The following EIF3G variants were observed in gnomAD, a reference collection of about 807,000 sequenced individuals.
EIF3G encodes the protein eukaryotic translation initiation factor 3 subunit G.
Under a neutral mutation model 41.7 loss-of-function variants are expected in EIF3G, and 10 were observed. The observed-to-expected ratio is 0.24, with a 90% CI of 0.15 to 0.41. The LOEUF (loss-of-function observed/expected upper bound fraction) is 0.41. Among genes scored for constraint, EIF3G ranks in the 10% least tolerant of loss-of-function variants. EIF3G has a pLI of 1.00. For synonymous variants in EIF3G, 204 were observed against 172.5 expected, an observed-to-expected ratio of 1.18 and a Z score of -1.43; for missense variants, 297 against 444.0, an observed-to-expected ratio of 0.67 and a Z score of 2.98.
chr19:10,119,887 A>G lies in EIF3G; in HGVS notation c.-28T>C. 1.9e-6 allele frequency: 3 copies of G among 1,614,092 alleles called. No individual in the cohort carries two copies. The highest frequency in any genetic ancestry group is 1.7e-5 in the Admixed American group (1 of 60,008). ...CAAAAAGTATTCTCCACGCAGCCCAAGCCCGGCCAGAGAGCGGAAGCGGGC... is the reference window on the plus strand; with the variant it reads ...CAAAAAGTATTCTCCACGCAGCCCAGGCCCGGCCAGAGAGCGGAAGCGGGC... On this transcript the variant is annotated 5_prime_UTR_variant, in exon 1 of 11. Transcript: ENST00000253108.
intron 5 of EIF3G, 149 bp downstream of exon 5, chr19:10,118,519 C>G: frequency 1.2e-6 from 1 of 826,966 alleles, no homozygotes; most frequent in Non-Finnish European, 1.9e-6. Context: ...GAGTCGAGAT[C>G]GTGCCACTGC....
rs1199329621 is a variant in EIF3G at position 10,115,708 on chromosome 19, C to T, written c.816G>A (p.Lys272=). The T allele has an allele frequency of 6.2e-7, 1 of 1,614,108 alleles. No homozygotes were observed. Among genetic ancestry groups the T allele is most frequent in the African/African-American group, 1.3e-5 (1 of 74,954 alleles). Residue 272 remains lysine, a synonymous_variant, in exon 9 of 11, where the codon AAG becomes AAA. Coordinates refer to ENST00000253108, the MANE Select transcript of EIF3G (RefSeq NM_003755.5). ...CCTTGGATTGGCCAGTGGTCTTGTC[C>T]TTAGCCAGGTAGATGCGGGAGATGG... ...FGSISRIYLA[K]DKTTGQSKGF...
intron 8 of EIF3G, 69 bp downstream of exon 8, chr19:10,115,898 C>T (rs557339769): frequency 2.4e-5 from 38 of 1,604,138 alleles, no homozygotes; most frequent in African/African-American, 2.7e-5. Context: ...CTCGTGTGCA[C>T]GCTTCGGGGA....
chr19:10,115,338 G>GA lies in EIF3G; in HGVS notation c.947+140dup, dbSNP rs905773184. The GA allele has an allele frequency of 2.5e-5, 30 of 1,187,490 alleles. No individual in the cohort carries two copies. The Admixed American group carries it at 3.6e-4, about 14-fold the overall frequency. 73.6% of individuals were successfully genotyped at this position (1,187,490 alleles called of 1,614,324 possible). Reference sequence around the variant, plus strand: ...GCTGCCACCCCTCTGCCCGGTTTTGGAAAAAAACAATAAAGGACTGTCCCC... The same window carrying GA: ...GCTGCCACCCCTCTGCCCGGTTTTGGAAAAAAAACAATAAAGGACTGTCCCC... On this transcript the variant is annotated intron_variant, in intron 10 of 10. Transcript: ENST00000253108.
rs559673267 is a variant in EIF3G, at chr19:10,118,930, T to C, written c.178A>G (p.Ile60Val). 92 of 1,614,138 alleles carry C rather than the reference T, an allele frequency of 5.7e-5. No individual in the cohort carries two copies. In the South Asian group the frequency reaches 9.8e-4, roughly 17 times the overall value. ...GAPLPPPKEV[I>V]NGNIKTVTEY... ...GTCACTGTCTTTATGTTTCCGTTGA[T>C]GACCTCCTTGGGAGGCGGCAGTGGA... Residue 60 changes from isoleucine to valine, a missense_variant, in exon 4 of 11, where the codon ATC becomes GTC. Around this residue, in one of 4 missense-constraint regions of EIF3G, gnomAD observed 147 missense variants for 162.4 expected, o/e 0.91. Transcript: ENST00000253108.
Position 10,115,669 on chromosome 19 carries a change from TGC to T in EIF3G, c.840+13_840+14del. 2 of 1,520,654 alleles carry T rather than the reference TGC, an allele frequency of 1.3e-6. No individual in the cohort carries two copies. The highest frequency in any genetic ancestry group is 4.1e-5 in the Admixed American group (2 of 49,002). The allele number at this position is 1,520,654 out of a possible 1,614,324, so 94.2% of individuals were successfully genotyped here. A position where few individuals can be genotyped will look rare whatever the true frequency, so the allele number is the denominator to read the frequency against. ...GACCCTCACACAGCCCCACCGTGCC[TGC>T]CTGCCTGCCCACCTTGGATTGGCCA... On this transcript the variant is annotated intron_variant, in intron 9 of 10. Transcript: ENST00000253108.
At chr19:10,118,823 C>A (rs766400160) in intron 4 of EIF3G, 45 bp downstream of exon 4, 89 of 1,589,706 alleles carry the variant, frequency 5.6e-5, no homozygotes, top group Non-Finnish European at 7.5e-5. Context: ...GGTCTATGGG[C>A]CCCCAAGCAC....
rs752888470 is a variant in EIF3G at position 10,115,132 on chromosome 19, G to A, written c.948-3C>T. On this transcript the variant is annotated splice_polypyrimidine_tract_variant and splice_region_variant and intron_variant, in intron 10 of 10. Coordinates refer to ENST00000253108, the MANE Select transcript of EIF3G (RefSeq NM_003755.5). ...AGCTGGCTTAGTTGGTGGACGGCCT[G>A]GGGTAGGGGAGGGTGGCAGGTATAA... 3.7e-6 allele frequency: 6 copies of A among 1,613,922 alleles called. No homozygotes were observed. The highest frequency in any genetic ancestry group is 1.1e-5 in the South Asian group (1 of 91,000).
Sources: allele counts gnomAD v4.1 joint callset, GRCh38; gene constraint gnomAD v4.1.1; regional missense constraint gnomAD v4.1.1; transcripts MANE v1.5; gene names NCBI Gene and HGNC (gene_info 2026-07-23, HGNC 2026-07-21).